SERTAD3: variants seen among roughly 807,000 people sequenced by gnomAD.
SERTAD3 encodes the protein SERTA domain containing 3.
Under a neutral mutation model 11.9 loss-of-function variants are expected in SERTAD3, and 6 were observed. The ratio of observed to expected loss-of-function variants is 0.50; its 90% CI spans 0.28 to 0.99. SERTAD3 has a LOEUF of 0.99. Among genes scored for constraint, SERTAD3 ranks in the 50% least tolerant of loss-of-function variants. The probability of loss-of-function intolerance (pLI) is 0.11; values close to 1 mark genes in which losing one functional copy is unlikely to be tolerated. For missense variants in SERTAD3, 261 were observed against 240.9 expected (o/e 1.08, Z -0.55); for synonymous variants, 101 against 98.9 (o/e 1.02, Z -0.13).
intron 1 of SERTAD3, chr19:40,443,333 C>CG (rs879303625): frequency 0.066 from 10,130 of 152,364 alleles, 461 homozygotes; most frequent in Non-Finnish European, 0.096. Context: ...CGAGCCACCC[C>CG]CCTCACCCCG....
At chr19:40,443,335 C>A (rs552910157) in intron 1 of SERTAD3, 2 of 152,252 alleles carry the variant, frequency 1.3e-5, no homozygotes, top group African/African-American at 4.8e-5. Flanking sequence ...AGCCACCCCC[C>A]TCACCCCGCT....
chr19:40,444,335 T>G lies in SERTAD3; in HGVS notation c.-127A>C, dbSNP rs528182116. ...CTCACCTCGGCGGGGCCTCTCCGTC[T>G]GGCCTCTGGCCCACCAGCCCCGCCC... is the stretch of plus-strand genomic sequence containing the variant. On this transcript the variant is annotated 5_prime_UTR_variant, in exon 1 of 2. Coordinates refer to ENST00000322354, the MANE Select transcript of SERTAD3 (RefSeq NM_203344.3). 1.2e-3 allele frequency: 189 copies of G among 152,338 alleles called. No individual in the cohort carries two copies. The highest frequency in any genetic ancestry group is 4.3e-3 in the African/African-American group (178 of 41,542). The allele number at this position is 152,338 out of a possible 1,614,324, so 9.4% of individuals were successfully genotyped here.
Position 40,441,777 on chromosome 19 carries a change from GCTCC to G in SERTAD3, c.300_303del (p.Arg100SerfsTer16). Reference sequence around the variant, plus strand: ...TCAGTCCCATCCATGGAGGTGTCCAGCTCCCTGAGGATAGAGCCAATGGTGGCTG... The same window carrying G: ...TCAGTCCCATCCATGGAGGTGTCCAGCTGAGGATAGAGCCAATGGTGGCTG... On this transcript the variant is annotated frameshift_variant, in exon 2 of 2. Coordinates refer to ENST00000322354, the MANE Select transcript of SERTAD3 (RefSeq NM_203344.3). LOFTEE classifies it high-confidence loss of function. 3 of 1,611,968 alleles carry G rather than the reference GCTCC, an allele frequency of 1.9e-6. No individual in the cohort carries two copies. The highest frequency in any genetic ancestry group is 2.5e-6 in the Non-Finnish European group (3 of 1,179,010).
chr19:40,441,906 G>T lies in SERTAD3; in HGVS notation c.175C>A (p.His59Asn). 1.3e-6 allele frequency: 2 copies of T among 1,579,430 alleles called. No individual in the cohort carries two copies. Among genetic ancestry groups the T allele is most frequent in the South Asian group, 2.3e-5 (2 of 85,360 alleles). The stretch of plus-strand genomic sequence containing the variant: ...GCCTGCAGCTGTTGGAGGGTGTTAT[G>T]GATGAGGACATGCCTGCGGAGGCTG... ...APSLRRHVLI[H>N]NTLQQLQAAL... is the part of the protein sequence containing the mutation. The change falls in exon 2 of 2, where the codon CAT becomes AAT. Residue 59 changes from histidine to asparagine, a missense_variant. Transcript: ENST00000322354.
chr19:40,442,155 T>G (rs1373072294), intron 1 of SERTAD3, 69 bp from the exon 2 acceptor site: 3 of 916,108 alleles, frequency 3.3e-6, no homozygotes, highest in Non-Finnish European at 3.0e-6. Flanking sequence ...CATATCCCAC[T>G]TTCTCAGGCC....
At position 40,441,315 on chromosome 19, in the gene SERTAD3, G is replaced by T. The variant is rs184499405; in HGVS notation, c.*175C>A. 3.6e-6 allele frequency: 2 copies of T among 553,980 alleles called. No individual in the cohort carries two copies. Among genetic ancestry groups the T allele is most frequent in the Admixed American group, 7.0e-5 (2 of 28,532 alleles). The allele number at this position is 553,980 out of a possible 1,614,324, so 34.3% of individuals were successfully genotyped here. On this transcript the variant is annotated 3_prime_UTR_variant, in exon 2 of 2. Transcript: ENST00000322354. The stretch of plus-strand genomic sequence containing the variant: ...GGAAGACCCACCTTCACAGAAGGTC[G>T]GGGTAACCAGACACACACACACATG...
chr19:40,444,006 C>T (rs900980276), intron 1 of SERTAD3: 2 of 153,566 alleles, frequency 1.3e-5, no homozygotes, highest in Admixed American at 1.3e-4. Context: ...CTTCAAACTC[C>T]CTCCACTTGA....
At position 40,441,806 on chromosome 19, in the gene SERTAD3, G is replaced by A. The variant is rs1269603820; in HGVS notation, c.275C>T (p.Ser92Leu). ...CCTGAGGATAGAGCCAATGGTGGCT[G>A]ACAGGGAGAAATCCTCCTCGCCCAG... ...LFLGEEDFSL[S>L]ATIGSILREL... The change falls in exon 2 of 2, where the codon TCA becomes TTA. Residue 92 changes from serine (S) to leucine (L), a missense_variant. Ser to Leu is a moderately radical substitution (Grantham distance 145). Transcript: ENST00000322354. 3 of 1,595,418 alleles carry A rather than the reference G, an allele frequency of 1.9e-6. No homozygotes were observed. Among genetic ancestry groups the A allele is most frequent in the African/African-American group, 1.3e-5 (1 of 74,296 alleles).
At chr19:40,442,128 A>G in intron 1 of SERTAD3, 42 bp from the exon 2 acceptor site, 1 of 1,261,220 alleles carries the variant, frequency 7.9e-7, no homozygotes, top group Non-Finnish European at 1.1e-6. Context: ...CAGACACCAG[A>G]CACCGTAGTG....
intron 1 of SERTAD3, chr19:40,442,582 C>G (rs1365662380): frequency 6.5e-6 from 1 of 152,784 alleles, no homozygotes; most frequent in Non-Finnish European, 1.5e-5. Flanking sequence ...AGTCAATTCT[C>G]AGGGCCTCAG....
At chr19:40,442,941 T>G (rs74595028) in intron 1 of SERTAD3, among the ~76,000 whole-genome samples, 5 of 152,050 alleles carry the variant, frequency 3.3e-5, no homozygotes, top group Non-Finnish European at 7.3e-5. Context: ...TGGAGCCCTG[T>G]TGGGGAACCT....
At chr19:40,443,189 T>G (rs2079691355) in intron 1 of SERTAD3, among the ~76,000 whole-genome samples, 1 of 151,042 alleles carries the variant, frequency 6.6e-6, no homozygotes, top group African/African-American at 2.4e-5. Context: ...CCCCCATGGG[T>G]CCTTACAGAG....
chr19:40,441,603 C>G lies in SERTAD3; in HGVS notation c.478G>C (p.Glu160Gln). ...GGTGGGGCCCGTGCAGGCTCCTTTTCTACCGCAGATGTGTCAATGTCCAGA... is the reference window on the plus strand; with the variant it reads ...GGTGGGGCCCGTGCAGGCTCCTTTTGTACCGCAGATGTGTCAATGTCCAGA... ...FFLDIDTSAV[E>Q]KEPARAPPEP... Residue 160 changes from glutamate to glutamine, a missense_variant, in exon 2 of 2, where the codon GAA becomes CAA. Transcript: ENST00000322354. The G allele has an allele frequency of 6.2e-7, 1 of 1,614,078 alleles. No homozygotes were observed. The highest frequency in any genetic ancestry group is 2.2e-5 in the East Asian group (1 of 44,892).
At position 40,441,362 on chromosome 19, in the gene SERTAD3, G is replaced by T; in HGVS notation, c.*128C>A. ...CATGCAAGACAGTTTGTGGAACCCT[G>T]AAATGGGAACAAAGGAGGCCATAGT... On this transcript the variant is annotated 3_prime_UTR_variant, in exon 2 of 2. Coordinates refer to ENST00000322354, the MANE Select transcript of SERTAD3 (RefSeq NM_203344.3). 1 of 827,890 alleles carries T rather than the reference G, an allele frequency of 1.2e-6. No homozygotes were observed. The highest frequency in any genetic ancestry group is 1.9e-6 in the Non-Finnish European group (1 of 520,142). The allele number at this position is 827,890 out of a possible 1,614,324, so 51.3% of individuals were successfully genotyped here.
At chr19:40,442,660 G>A (rs2079687444) in intron 1 of SERTAD3, 1 of 152,288 alleles carries the variant, frequency 6.6e-6, no homozygotes, top group Non-Finnish European at 1.5e-5. Flanking sequence ...GAGATGCCAC[G>A]TATCTATAGG....
Position 40,441,840 on chromosome 19 carries a change from GC to G in SERTAD3, c.240del (p.Glu80AspfsTer37), listed in dbSNP as rs767813476. On this transcript the variant is annotated frameshift_variant, in exon 2 of 2. Transcript: ENST00000322354. LOFTEE classifies it high-confidence loss of function. ...AAATCCTCCTCGCCCAGGAAGAGGGGCTCGGGGGGCAGGGCAGGGGCGGGAG... is the reference window on the plus strand; with the variant it reads ...AAATCCTCCTCGCCCAGGAAGAGGGGTCGGGGGGCAGGGCAGGGGCGGGAG... ...RLAPAPALPP[E>X]PLFLGEEDFS... The G allele has an allele frequency of 5.1e-6, 8 of 1,583,634 alleles. No homozygotes were observed. The highest frequency in any genetic ancestry group is 6.9e-6 in the Non-Finnish European group (8 of 1,164,758).
Position 40,441,990 on chromosome 19 carries a change from G to C in SERTAD3, c.91C>G (p.Gln31Glu). 1 of 1,544,496 alleles carries C rather than the reference G, an allele frequency of 6.5e-7. No individual in the cohort carries two copies. Among genetic ancestry groups the C allele is most frequent in the Non-Finnish European group, 8.7e-7 (1 of 1,148,028 alleles). The change falls in exon 2 of 2, where the codon CAA becomes GAA. Residue 31 changes from glutamine (Q) to glutamate (E), a missense_variant. By Grantham distance (29) the Gln-to-Glu change is conservative. Coordinates refer to ENST00000322354, the MANE Select transcript of SERTAD3 (RefSeq NM_203344.3). Reference sequence around the variant, plus strand: ...TCTAGGGAGATGCGGAGCAGGGCTTGCTGGTAGCTCTGAAGGCCTGCTGGA... The same window carrying C: ...TCTAGGGAGATGCGGAGCAGGGCTTCCTGGTAGCTCTGAAGGCCTGCTGGA... Reference protein sequence around the residue: ...WSPAGLQSYQQALLRISLDKV... With the variant: ...WSPAGLQSYQEALLRISLDKV...
In SERTAD3 at chr19:40,442,006, G is replaced by T; in HGVS notation, c.75C>A (p.Gly25=). 6.5e-7 allele frequency: 1 copy of T among 1,529,674 alleles called. No homozygotes were observed. The highest frequency in any genetic ancestry group is 8.8e-7 in the Non-Finnish European group (1 of 1,141,830). The allele number at this position is 1,529,674 out of a possible 1,614,324, so 94.8% of individuals were successfully genotyped here. The change falls in exon 2 of 2, where the codon GGC becomes GGA. Residue 25 remains glycine, a synonymous_variant. Coordinates refer to ENST00000322354, the MANE Select transcript of SERTAD3 (RefSeq NM_203344.3). ...GCAGGGCTTGCTGGTAGCTCTGAAG[G>T]CCTGCTGGACTCCACTCCCACCTCT... is the stretch of plus-strand genomic sequence containing the variant. ...EEERWEWSPA[G]LQSYQQALLR... is the part of the protein sequence containing the mutation.
Position 40,441,835 on chromosome 19 carries a change from G to A in SERTAD3, c.246C>T (p.Leu82=). The A allele has an allele frequency of 6.3e-7, 1 of 1,585,470 alleles. No individual in the cohort carries two copies. The highest frequency in any genetic ancestry group is 8.6e-7 in the Non-Finnish European group (1 of 1,165,618). The change falls in exon 2 of 2, where the codon CTC becomes CTT. Residue 82 remains leucine, a synonymous_variant. Transcript: ENST00000322354. ...APAPALPPEP[L]FLGEEDFSLS... ...GGGAGAAATCCTCCTCGCCCAGGAA[G>A]AGGGGCTCGGGGGGCAGGGCAGGGG... is the stretch of plus-strand genomic sequence containing the variant.
Sources: gnomAD v4.1 joint callset for allele counts (sites outside exome capture counted in the v4.1 genomes callset) on GRCh38, gnomAD v4.1.1 for gene constraint, MANE v1.5 for transcripts, NCBI Gene and HGNC (gene_info 2026-07-23, HGNC 2026-07-21) for gene names.